Variants in TSNARE1 observed in about 807,000 individuals in gnomAD.
TSNARE1 encodes the protein t-SNARE domain-containing protein 1.
A neutral mutation model predicts 62.0 loss-of-function variants in TSNARE1; 49 were observed. The observed-to-expected ratio is 0.79, with a 90% CI of 0.63 to 1.00. The LOEUF (loss-of-function observed/expected upper bound fraction) is 1.00, where lower values mean the gene tolerates loss of function less well. TSNARE1 is among the 50% of genes least tolerant of loss of function. TSNARE1 has a pLI of 0.00. For missense variants in TSNARE1, 755 were observed against 700.1 expected (o/e 1.08, Z -0.88); for synonymous variants, 328 against 294.4 (o/e 1.11, Z -1.17).
intron 13 of TSNARE1, among the ~76,000 whole-genome samples, chr8:142,227,143 C>G (rs1032470558): frequency 3.4e-5 from 5 of 148,976 alleles, no homozygotes; most frequent in African/African-American, 1.3e-4. Flanking sequence ...TGCACCCACA[C>G]CCCAGTGACA....
intron 1 of TSNARE1, among the ~76,000 whole-genome samples, chr8:142,375,510 C>T (rs1436636053): frequency 1.3e-5 from 2 of 152,192 alleles, no homozygotes; most frequent in East Asian, 1.9e-4. Context: ...CCAGCTTCCT[C>T]GGCTCCAAGG....
intron 1 of TSNARE1, among the ~76,000 whole-genome samples, chr8:142,381,256 A>G (rs539886129): frequency 6.6e-6 from 1 of 152,344 alleles, no homozygotes; most frequent in South Asian, 2.1e-4. Context: ...CTGTCGGGCC[A>G]TGGGCAGCCC....
intron 1 of TSNARE1, among the ~76,000 whole-genome samples, chr8:142,390,368 AC>A (rs1837418146): frequency 8.2e-6 from 1 of 122,348 alleles, no homozygotes; most frequent in Non-Finnish European, 1.7e-5. Context: ...GGACTCCGTA[AC>A]AGAAGCTGTA....
At chr8:142,322,904 G>GCA in intron 6 of TSNARE1, among the ~76,000 whole-genome samples, 1 of 151,636 alleles carries the variant, frequency 6.6e-6, no homozygotes, top group Non-Finnish European at 1.5e-5. Flanking sequence ...GCCTGGACGT[G>GCA]TCCATGGGCT....
intron 9 of TSNARE1, among the ~76,000 whole-genome samples, chr8:142,307,554 T>C (rs1826894632): frequency 6.6e-6 from 1 of 152,240 alleles, no homozygotes; most frequent in Admixed American, 6.5e-5. Context: ...ATATTTAATA[T>C]GATGTAAATG....
At chr8:142,228,955 T>C (rs949765840) in intron 13 of TSNARE1, among the ~76,000 whole-genome samples, 12 of 151,664 alleles carry the variant, frequency 7.9e-5, no homozygotes, top group African/African-American at 2.4e-4. Context: ...GATGGATGGA[T>C]AGATGGGTGA....
At chr8:142,219,957 G>C (rs956492540) in intron 13 of TSNARE1, among the ~76,000 whole-genome samples, 3 of 152,220 alleles carry the variant, frequency 2.0e-5, no homozygotes, top group African/African-American at 7.2e-5. Context: ...GGAAGAGACG[G>C]AGGGGAAAGG....
intron 12 of TSNARE1, among the ~76,000 whole-genome samples, chr8:142,264,529 C>T (rs539130060): frequency 2.0e-5 from 3 of 152,302 alleles, no homozygotes; most frequent in Admixed American, 2.0e-4. Context: ...CTTCCGCTGT[C>T]CTGATAGATT....
At chr8:142,274,963 G>T in intron 11 of TSNARE1, 100 bp from the exon 12 acceptor site, 1 of 1,396,676 alleles carries the variant, frequency 7.2e-7, no homozygotes, top group Non-Finnish European at 9.3e-7. Flanking sequence ...CTGAGCCCAG[G>T]GCCTGCAGAG....
chr8:142,306,115 CAGCA>C (rs1464825600), intron 9 of TSNARE1, among the ~76,000 whole-genome samples: 1 of 152,184 alleles, frequency 6.6e-6, no homozygotes, highest in African/African-American at 2.4e-5. Context: ...TTCCTCCAAG[CAGCA>C]ACAGACTCTA....
chr8:142,326,602 C>T (rs1417254773), intron 6 of TSNARE1, among the ~76,000 whole-genome samples: 3 of 129,326 alleles, frequency 2.3e-5, no homozygotes, highest in Non-Finnish European at 3.2e-5. Flanking sequence ...GGAACCAGCA[C>T]CAGCGAAGGG....
At chr8:142,405,629 C>T (rs1458223265), upstream of TSNARE1, 1 of 152,244 alleles carries the variant, frequency 6.6e-6, no homozygotes, top group Non-Finnish European at 1.5e-5. Context: ...ATGGACTTCT[C>T]AGGGTTTAAG....
chr8:142,305,374 T>C (rs1826495069), intron 9 of TSNARE1, among the ~76,000 whole-genome samples: 1 of 152,006 alleles, frequency 6.6e-6, no homozygotes, highest in South Asian at 2.1e-4. Flanking sequence ...CAAACGGGGT[T>C]CCGTGTGGAC....
chr8:142,230,961 A>ACCC (rs1817084275), intron 12 of TSNARE1, among the ~76,000 whole-genome samples: 1 of 103,298 alleles, frequency 9.7e-6, no homozygotes, highest in African/African-American at 4.4e-5. Context: ...CCCATCATCC[A>ACCC]ACCATCCATC....
intron 1 of TSNARE1, among the ~76,000 whole-genome samples, chr8:142,392,213 G>C (rs920800042): frequency 1.3e-5 from 2 of 151,990 alleles, no homozygotes; most frequent in Non-Finnish European, 2.9e-5. Flanking sequence ...TAGTACACAG[G>C]GTTTCACCAT....
intron 1 of TSNARE1, among the ~76,000 whole-genome samples, chr8:142,374,319 AAAAG>A (rs1353516350): frequency 6.6e-6 from 1 of 151,738 alleles, no homozygotes; most frequent in Non-Finnish European, 1.5e-5. Context: ...AAACAAAAGA[AAAAG>A]AAAAAAAAAA....
intron 12 of TSNARE1, among the ~76,000 whole-genome samples, chr8:142,253,400 C>T (rs1188965019): frequency 6.6e-6 from 1 of 152,184 alleles, no homozygotes; most frequent in Non-Finnish European, 1.5e-5. Flanking sequence ...TGATTGCCAC[C>T]CTGAGGGTGC....
At chr8:142,342,708 G>T (rs543249159) in intron 4 of TSNARE1, among the ~76,000 whole-genome samples, 1 of 151,450 alleles carries the variant, frequency 6.6e-6, no homozygotes, top group Non-Finnish European at 1.5e-5. Flanking sequence ...ACCACAGCAA[G>T]AGCTCAGACG....
At chr8:142,353,076 A>G (rs1291635168) in intron 2 of TSNARE1, among the ~76,000 whole-genome samples, 1 of 152,030 alleles carries the variant, frequency 6.6e-6, no homozygotes, top group African/African-American at 2.4e-5. Context: ...CCCGTCTCCC[A>G]GGACACTCTC....
Sources: allele counts gnomAD v4.1 joint callset (sites outside exome capture counted in the v4.1 genomes callset), GRCh38; gene constraint gnomAD v4.1.1; transcripts MANE v1.5; gene names NCBI Gene and HGNC (gene_info 2026-07-23, HGNC 2026-07-21).